LTN1: variants seen among roughly 807,000 people sequenced by gnomAD.
LTN1 encodes listerin E3 ubiquitin protein ligase 1.
Under a neutral mutation model 201.2 loss-of-function variants are expected in LTN1, and 88 were observed. That is an observed-to-expected ratio of 0.44 (90% confidence interval 0.37 to 0.52). LTN1 has a LOEUF of 0.52. Among genes scored for constraint, LTN1 ranks in the 20% least tolerant of loss-of-function variants. The pLI, the probability that LTN1 is intolerant of heterozygous loss-of-function variation, is 0.00. For synonymous variants in LTN1, 645 were observed against 713.5 expected, an observed-to-expected ratio of 0.90 and a Z score of 1.53; for missense variants, 1,752 against 2,038.7, an observed-to-expected ratio of 0.86 and a Z score of 2.71.
chr21:28,966,439 A>T lies in LTN1; in HGVS notation c.2052T>A (p.Ile684=). ...QRKDFGFLVD[I]LYSALRCCDN... is the part of the protein sequence containing the mutation. ...CACAGCACCGGAGAGCACTGTACAA[A>T]ATGTCCACCAGGAAACCAAAATCCT... The change falls in exon 10 of 30, where the codon ATT becomes ATA. Residue 684 remains isoleucine (I), a synonymous_variant. Transcript: ENST00000361371. 4 of 1,614,170 alleles carry T rather than the reference A, an allele frequency of 2.5e-6. No individual in the cohort carries two copies. Among genetic ancestry groups the T allele is most frequent in the Non-Finnish European group, 3.4e-6 (4 of 1,180,014 alleles).
In LTN1 at chr21:28,941,349, A is replaced by G. The variant is rs2084296009; in HGVS notation, c.4353T>C (p.Asn1451=). The part of the protein sequence containing the change: ...LLSIQEDLLE[N]VLGCIPVGQI... Reference sequence around the variant, plus strand: ...GTCCAACAGGAATACACCCCAAAACATTTTCTAGTAAGTCCTCTTGAATGC... The same window carrying G: ...GTCCAACAGGAATACACCCCAAAACGTTTTCTAGTAAGTCCTCTTGAATGC... Residue 1451 remains asparagine (N), a synonymous_variant, in exon 25 of 30, where the codon AAT becomes AAC. Coordinates refer to ENST00000361371, the MANE Select transcript of LTN1 (RefSeq NM_015565.3). 6.2e-7 allele frequency: 1 copy of G among 1,613,230 alleles called. No individual in the cohort carries two copies. The highest frequency in any genetic ancestry group is 8.5e-7 in the Non-Finnish European group (1 of 1,179,736).
At chr21:28,931,066 GGTGTGTGTGTGTGT>G (rs10608923) in intron 29 of LTN1, 75 bp downstream of exon 29, 92 of 578,652 alleles carry the variant, frequency 1.6e-4, no homozygotes, top group Middle Eastern at 9.8e-4. Context: ...ACATTGTGTA[GGTGTGTGTGTGTGT>G]GTGTGTGTGT....
Position 28,949,493 on chromosome 21 carries a change from C to G in LTN1, c.3345-1887G>C, listed in dbSNP as rs576467749. On this transcript the variant is annotated intron_variant, in intron 18 of 29. Transcript: ENST00000361371. ...AAAACTGAAACTCTACCCACTAACA[C>G]GAATGCTCCATTCCTCTCTCACCCT... Among the ~76,000 whole-genome samples the G allele has an allele frequency of 3.3e-5, 5 of 152,250 alleles. No homozygotes were observed. The South Asian group carries it at 1.0e-3, about 32-fold the overall frequency.
Position 28,952,153 on chromosome 21 carries a change from A to C in LTN1, c.3344+7T>G. On this transcript the variant is annotated splice_region_variant and intron_variant, in intron 18 of 29. Coordinates refer to ENST00000361371, the MANE Select transcript of LTN1 (RefSeq NM_015565.3). The stretch of plus-strand genomic sequence containing the variant: ...CTACAAAGTAAAAACATTTTAAATA[A>C]GAATACCTTTCTTTTCTCTTATAAT... 1.3e-6 allele frequency: 2 copies of C among 1,537,746 alleles called. No individual in the cohort carries two copies. Among genetic ancestry groups the C allele is most frequent in the Non-Finnish European group, 1.8e-6 (2 of 1,124,404 alleles).
At position 28,935,160 on chromosome 21, in the gene LTN1, A is replaced by G. The variant is rs2146256593; in HGVS notation, c.4824T>C (p.Phe1608=). The G allele has an allele frequency of 6.2e-7, 1 of 1,613,324 alleles. No individual in the cohort carries two copies. Among genetic ancestry groups the G allele is most frequent in the South Asian group, 1.1e-5 (1 of 91,070 alleles). Reference sequence around the variant, plus strand: ...TTGTTTGTACAGAAGATATTTCTTGAAAAGAAAGAACACTGCTGACATACT... The same window carrying G: ...TTGTTTGTACAGAAGATATTTCTTGGAAAGAAAGAACACTGCTGACATACT... The part of the protein sequence containing the change: ...TSKYVSSVLS[F]QEISSVQTST... Residue 1608 remains phenylalanine (F), a synonymous_variant, in exon 27 of 30, where the codon TTT becomes TTC. Transcript: ENST00000361371.
At chr21:28,957,829 T>C (rs993626340) in intron 14 of LTN1, among the ~76,000 whole-genome samples, 2 of 152,194 alleles carry the variant, frequency 1.3e-5, no homozygotes, top group Non-Finnish European at 2.9e-5. Context: ...TCCTTTATTA[T>C]ATGGATTTAG....
chr21:28,947,638 T>C (rs2084348962), intron 18 of LTN1, 32 bp from the exon 19 acceptor site: 1 of 1,438,842 alleles, frequency 7.0e-7, no homozygotes. Flanking sequence ...ACAAGTTAGA[T>C]TTCTTCCAAA....
intron 17 of LTN1, among the ~76,000 whole-genome samples, chr21:28,952,669 C>A (rs971356035): frequency 6.6e-6 from 1 of 152,116 alleles, no homozygotes; most frequent in African/African-American, 2.4e-5. Flanking sequence ...AAGTAGAATG[C>A]GATTGGAAAG....
At chr21:28,940,484 T>C (rs1277286874) in intron 25 of LTN1, among the ~76,000 whole-genome samples, 1 of 152,014 alleles carries the variant, frequency 6.6e-6, no homozygotes, top group African/African-American at 2.4e-5. Context: ...CAGATCTCTC[T>C]CCAAACAGTG....
intron 25 of LTN1, among the ~76,000 whole-genome samples, chr21:28,938,448 T>A (rs1217458210): frequency 1.3e-5 from 2 of 152,208 alleles, no homozygotes; most frequent in Non-Finnish European, 2.9e-5. Context: ...TCCATTGAAT[T>A]ATTCTTCCAA....
chr21:28,963,041 G>T (rs1425770955), intron 11 of LTN1, among the ~76,000 whole-genome samples: 2 of 152,208 alleles, frequency 1.3e-5, no homozygotes, highest in Non-Finnish European at 2.9e-5. Context: ...CTAGCAAAGG[G>T]TGGTTCATGA....
Position 28,946,270 on chromosome 21 carries a change from C to A in LTN1, c.3505G>T (p.Ala1169Ser). 1 of 1,573,284 alleles carries A rather than the reference C, an allele frequency of 6.4e-7. No individual in the cohort carries two copies. Among genetic ancestry groups the A allele is most frequent in the Admixed American group, 2.0e-5 (1 of 50,270 alleles). Reference sequence around the variant, plus strand: ...GTTTGCAGACAAGAATTGAAAATGGCAAGATGTCCAAAACCTCCTAAAGTA... The same window carrying A: ...GTTTGCAGACAAGAATTGAAAATGGAAAGATGTCCAAAACCTCCTAAAGTA... ...CSTNGGFGHL[A>S]IFNSCLQTKS... The change falls in exon 20 of 30, where the codon GCC becomes TCC. Residue 1169 changes from alanine to serine, a missense_variant. Transcript: ENST00000361371.
rs139257092 is a variant in LTN1 at position 28,970,670 on chromosome 21, G to A, written c.1057C>T (p.Arg353Trp). The A allele has an allele frequency of 2.1e-4, 344 of 1,613,702 alleles. No individual in the cohort carries two copies. The highest frequency in any genetic ancestry group is 2.8e-4 in the Non-Finnish European group (328 of 1,179,876). ...GGATATATGACAGTAGCTAGACCCC[G>A]ACCACCTTCACGAATCACAGTTGAT... ...KLSTVIREGG[R>W]GLATVIYPYL... The change falls in exon 8 of 30, where the codon CGG (arginine) becomes TGG (tryptophan). Residue 353 changes from arginine to tryptophan, a missense_variant. Coordinates refer to ENST00000361371, the MANE Select transcript of LTN1 (RefSeq NM_015565.3).
Position 28,986,171 on chromosome 21 carries a change from A to G in LTN1, c.313T>C (p.Tyr105His). The change falls in exon 3 of 30, where the codon TAT becomes CAT. Residue 105 changes from tyrosine (Y) to histidine (H), a missense_variant. This residue lies in a region of LTN1 where 280 missense variants were observed against 375.7 expected (regional missense o/e 0.75). Transcript: ENST00000361371. This position sits in a 1 kb window ranked among gnomAD's most constrained non-coding sequence, Gnocchi z 4.1. Reference protein sequence around the residue: ...DTETVKGVLPYWPRIFCKISL... With the variant: ...DTETVKGVLPHWPRIFCKISL... ...ATTTTGCAAAAAATTCTTGGCCAAT[A>G]TGGAAGAACTCCTTTCACAGTTTCT... 1 of 1,612,782 alleles carries G rather than the reference A, an allele frequency of 6.2e-7. No homozygotes were observed. The highest frequency in any genetic ancestry group is 8.5e-7 in the Non-Finnish European group (1 of 1,178,860).
intron 19 of LTN1, 123 bp downstream of exon 19, chr21:28,947,341 A>ATC: frequency 2.6e-6 from 2 of 762,546 alleles, no homozygotes; most frequent in Non-Finnish European, 3.9e-6. Flanking sequence ...CATCCATATA[A>ATC]TCTCAGAACA....
intron 13 of LTN1, 84 bp from the exon 14 acceptor site, chr21:28,958,623 T>G: frequency 9.9e-7 from 1 of 1,006,310 alleles, no homozygotes; most frequent in Non-Finnish European, 1.4e-6. Flanking sequence ...ACTCTACAGA[T>G]CTGAGATTTT....
At chr21:28,932,436 G>C (rs2084218194) in intron 28 of LTN1, 34 bp downstream of exon 28, 1 of 1,557,332 alleles carries the variant, frequency 6.4e-7, no homozygotes, top group African/African-American at 1.4e-5. Flanking sequence ...TCTTTTCCAA[G>C]TTTGTAAAGC....
chr21:28,949,290 C>T (rs2084364870), intron 18 of LTN1, among the ~76,000 whole-genome samples: 1 of 151,924 alleles, frequency 6.6e-6, no homozygotes, highest in South Asian at 2.1e-4. Context: ...TGTCATTTGT[C>T]CCTGTAATCT....
intron 16 of LTN1, among the ~76,000 whole-genome samples, chr21:28,953,598 C>CT (rs2084401133): frequency 6.6e-6 from 1 of 152,146 alleles, no homozygotes; most frequent in African/African-American, 2.4e-5. Flanking sequence ...CTACTTGGTC[C>CT]TTTTTCTAAT....
Sources: gnomAD v4.1 joint callset for allele counts (sites outside exome capture counted in the v4.1 genomes callset) on GRCh38, gnomAD v4.1.1 for gene constraint, gnomAD v4.1.1 regional missense constraint, Gnocchi (gnomAD v3.1) non-coding constraint, MANE v1.5 for transcripts, NCBI Gene and HGNC (gene_info 2026-07-23, HGNC 2026-07-21) for gene names.